The following PTPRO variants were observed in gnomAD, a reference collection of about 807,000 sequenced individuals.
PTPRO encodes the protein receptor-type tyrosine-protein phosphatase O.
Under a neutral mutation model 145.2 loss-of-function variants are expected in PTPRO, and 62 were observed. That is an observed-to-expected ratio of 0.43 (90% CI 0.35 to 0.53). PTPRO has a LOEUF of 0.53. PTPRO is among the 20% of genes least tolerant of loss of function. PTPRO has a pLI of 0.01. For missense variants in PTPRO, 1,345 were observed against 1,482.7 expected (o/e 0.91, Z 1.53); for synonymous variants, 565 against 514.7 (o/e 1.10, Z -1.32).
At chr12:15,359,509 T>C (rs1394575743) in intron 1 of PTPRO, among the ~76,000 whole-genome samples, 1 of 150,872 alleles carries the variant, frequency 6.6e-6, no homozygotes, top group Admixed American at 6.6e-5. Context: ...ATCAAGTGAT[T>C]CTCCTACCTT....
chr12:15,581,855 C>G, intron 23 of PTPRO, 54 bp downstream of exon 23: 2 of 1,611,408 alleles, frequency 1.2e-6, no homozygotes, highest in Admixed American at 3.3e-5. Context: ...CCTGCTGAGA[C>G]CAGTTTGGTC....
At chr12:15,388,480 T>C (rs1009539287) in intron 1 of PTPRO, among the ~76,000 whole-genome samples, 1 of 152,010 alleles carries the variant, frequency 6.6e-6, no homozygotes, top group African/African-American at 2.4e-5. Flanking sequence ...AGCTAGAGAG[T>C]CCTGCCATTA....
At chr12:15,537,909 G>A (rs1369294471) in intron 12 of PTPRO, among the ~76,000 whole-genome samples, 1 of 152,128 alleles carries the variant, frequency 6.6e-6, no homozygotes, top group Non-Finnish European at 1.5e-5. Context: ...ATGGGATAGT[G>A]AGCAGAGTGA....
chr12:15,594,211 A>T (rs1337657116), intron 25 of PTPRO, among the ~76,000 whole-genome samples: 1 of 152,068 alleles, frequency 6.6e-6, no homozygotes, highest in East Asian at 1.9e-4. Flanking sequence ...TTTGTAATGT[A>T]TTCTACTGCT....
intron 1 of PTPRO, among the ~76,000 whole-genome samples, chr12:15,354,621 A>G (rs1239641870): frequency 6.6e-6 from 1 of 152,114 alleles, no homozygotes; most frequent in African/African-American, 2.4e-5. Context: ...CATTTATTTG[A>G]CTGCTTGTTT....
intron 7 of PTPRO, among the ~76,000 whole-genome samples, chr12:15,513,470 G>C (rs992553884): frequency 1.5e-4 from 23 of 152,188 alleles, no homozygotes; most frequent in Admixed American, 1.2e-3. Flanking sequence ...ATCTTATTTT[G>C]TTTAAGTCAG....
At position 15,595,062 on chromosome 12, in the gene PTPRO, G is replaced by A. The variant is rs1214071471; in HGVS notation, c.*16+5G>A. 1 of 1,568,234 alleles carries A rather than the reference G, an allele frequency of 6.4e-7. No homozygotes were observed. ...CCTAGTTCAGAATCCGGAGCAGTAAGTGGAGAAGAGCTCTCCACGAGTGCT... is the reference window on the plus strand; with the variant it reads ...CCTAGTTCAGAATCCGGAGCAGTAAATGGAGAAGAGCTCTCCACGAGTGCT... On this transcript the variant is annotated splice_donor_5th_base_variant and intron_variant, in intron 26 of 26. Coordinates refer to ENST00000281171, the MANE Select transcript of PTPRO (RefSeq NM_030667.3).
intron 6 of PTPRO, among the ~76,000 whole-genome samples, chr12:15,505,750 A>G (rs1458936671): frequency 6.6e-6 from 1 of 152,222 alleles, no homozygotes; most frequent in African/African-American, 2.4e-5. Context: ...GTAGTCACAC[A>G]CCAGCAAAAG....
rs146244838 is a variant in PTPRO, at chr12:15,450,108, A to G, written c.76-33866A>G. ...TCTATGTTCATGTCTTATGGCTCCT[A>G]TTATATTTGCTAGTTCTCTAAGCGA... On this transcript the variant is annotated intron_variant, in intron 1 of 26. Transcript: ENST00000281171. Among the ~76,000 whole-genome samples, 647 of 152,086 alleles carry G rather than the reference A, an allele frequency of 4.3e-3. 4 individuals are homozygous for G. Among genetic ancestry groups the G allele is most frequent in the African/African-American group, 0.015 (622 of 41,476 alleles).
intron 4 of PTPRO, among the ~76,000 whole-genome samples, 194 bp from the exon 5 acceptor site, chr12:15,501,425 AT>A (rs1213607509): frequency 5.9e-5 from 9 of 152,306 alleles, no homozygotes; most frequent in Non-Finnish European, 1.2e-4. Flanking sequence ...ATAGGTATAC[AT>A]CATCCACAAA....
intron 19 of PTPRO, among the ~76,000 whole-genome samples, chr12:15,571,054 G>T (rs1944034094): frequency 6.6e-6 from 1 of 152,170 alleles, no homozygotes; most frequent in Admixed American, 6.5e-5. Flanking sequence ...GGATACTAAG[G>T]TATCTCATAC....
At chr12:15,415,531 C>T (rs1439360744) in intron 1 of PTPRO, among the ~76,000 whole-genome samples, 1 of 151,818 alleles carries the variant, frequency 6.6e-6, no homozygotes, top group Non-Finnish European at 1.5e-5. Flanking sequence ...ACTACAGGCA[C>T]CTGCCACCAC....
intron 1 of PTPRO, among the ~76,000 whole-genome samples, chr12:15,449,831 T>C (rs1941000605): frequency 6.6e-6 from 1 of 152,222 alleles, no homozygotes; most frequent in African/African-American, 2.4e-5. Context: ...CTATCTTTGC[T>C]ACTCTTCTGT....
chr12:15,537,621 T>C (rs1369863555), intron 12 of PTPRO, among the ~76,000 whole-genome samples: 2 of 152,188 alleles, frequency 1.3e-5, no homozygotes, highest in East Asian at 3.8e-4. Context: ...AAATCTAAAA[T>C]GCACAGGAGC....
rs181530148 is a variant in PTPRO at position 15,486,723 on chromosome 12, A to G, written c.349+2476A>G. ...TTTACTTTCATACATAAATTTAAAT[A>G]GAAATAAAGTTGCACTAGCCTAATT... On this transcript the variant is annotated intron_variant, in intron 2 of 26. Coordinates refer to ENST00000281171, the MANE Select transcript of PTPRO (RefSeq NM_030667.3). 6.0e-4 allele frequency among the ~76,000 whole-genome samples: 91 copies of G among 152,140 alleles called. 2 individuals are homozygous for G. In the Middle Eastern group the frequency reaches 0.01, roughly 17 times the overall value.
chr12:15,513,108 AAAGG>A (rs368163582), intron 7 of PTPRO, among the ~76,000 whole-genome samples: 1,128 of 50,888 alleles, frequency 0.022, 94 homozygotes, highest in East Asian at 0.053. Context: ...AGAAAGAAAG[AAAGG>A]AAGGAAGGAA....
intron 1 of PTPRO, among the ~76,000 whole-genome samples, chr12:15,466,358 A>T (rs1941415428): frequency 6.6e-6 from 1 of 152,198 alleles, no homozygotes; most frequent in African/African-American, 2.4e-5. Flanking sequence ...AAGTAACGGC[A>T]AATCTGAGTT....
In PTPRO at chr12:15,322,942, C is replaced by A; in HGVS notation, c.75+141C>A. On this transcript the variant is annotated intron_variant, in intron 1 of 26. Transcript: ENST00000281171. This position sits in a 1 kb window ranked among gnomAD's most constrained non-coding sequence, Gnocchi z 6.3. ...AAGCGCCTGCCGTGCAGCCTGGGCG[C>A]ACGCTTTGTTGTCCTCGCGTGTGCG... 1.3e-6 allele frequency: 1 copy of A among 795,336 alleles called. No individual in the cohort carries two copies. Among genetic ancestry groups the A allele is most frequent in the Admixed American group, 3.0e-5 (1 of 33,890 alleles). The allele number at this position is 795,336 out of a possible 1,614,324, so 49.3% of individuals were successfully genotyped here.
intron 19 of PTPRO, among the ~76,000 whole-genome samples, chr12:15,574,410 C>A (rs1378406894): frequency 6.6e-6 from 1 of 152,198 alleles, no homozygotes; most frequent in African/African-American, 2.4e-5. Flanking sequence ...ACATATTGCT[C>A]ATTCTGCTAT....
Sources: allele counts gnomAD v4.1 joint callset (sites outside exome capture counted in the v4.1 genomes callset), GRCh38; gene constraint gnomAD v4.1.1; non-coding constraint Gnocchi (gnomAD v3.1); transcripts MANE v1.5; gene names NCBI Gene and HGNC (gene_info 2026-07-23, HGNC 2026-07-21).